Variants in RAPGEF1 observed in about 807,000 individuals in gnomAD.
RAPGEF1 encodes the protein Rap guanine nucleotide exchange factor 1, also known as CRK SH3-binding GNRP.
A neutral mutation model predicts 143.3 loss-of-function variants in RAPGEF1; 33 were observed. The ratio of observed to expected loss-of-function variants is 0.23; its 90% CI spans 0.17 to 0.31. The LOEUF (loss-of-function observed/expected upper bound fraction) is 0.31. RAPGEF1 is among the 10% of genes least tolerant of loss of function. RAPGEF1 has a pLI of 1.00. For synonymous variants in RAPGEF1, 629 were observed against 676.5 expected (o/e 0.93, Z 1.09); for missense variants, 1,199 against 1,645.4 (o/e 0.73, Z 4.69).
chr9:131,649,860 G>A (rs766174042), intron 3 of RAPGEF1, among the ~76,000 whole-genome samples: 36 of 152,130 alleles, frequency 2.4e-4, no homozygotes, highest in Admixed American at 5.2e-4. Context: ...CCTGGAACCC[G>A]TTGGACCCAA....
chr9:131,713,053 C>A (rs1835620860), intron 1 of RAPGEF1, among the ~76,000 whole-genome samples: 1 of 152,174 alleles, frequency 6.6e-6, no homozygotes, highest in South Asian at 2.1e-4. Context: ...CATCTCCAGT[C>A]CACATTTCAG....
At chr9:131,676,646 T>C (rs2076) in intron 1 of RAPGEF1, among the ~76,000 whole-genome samples, 131,719 of 152,268 alleles carry the variant, frequency 0.87, 57,174 homozygotes, top group African/African-American at 0.93. Flanking sequence ...GTGGTCACTA[T>C]CATAGCAGAC....
intron 1 of RAPGEF1, among the ~76,000 whole-genome samples, chr9:131,704,706 C>T (rs1246535482): frequency 6.6e-6 from 1 of 151,672 alleles, no homozygotes; most frequent in African/African-American, 2.4e-5. Context: ...AAAATGAACA[C>T]TGTAAGCAAC....
intron 1 of RAPGEF1, 70 bp downstream of exon 1, chr9:131,739,700 C>A: frequency 9.9e-7 from 1 of 1,006,018 alleles, no homozygotes; most frequent in Non-Finnish European, 1.2e-6. Context: ...GACCCGCGCT[C>A]GGCCCGGGGA....
intron 3 of RAPGEF1, among the ~76,000 whole-genome samples, chr9:131,647,680 C>G (rs539408715): frequency 6.6e-6 from 1 of 152,298 alleles, no homozygotes; most frequent in Non-Finnish European, 1.5e-5. Flanking sequence ...TGGGCCTCCA[C>G]GAAGCAAGAG....
Position 131,628,035 on chromosome 9 carries a change from C to A in RAPGEF1, c.1079G>T (p.Gly360Val). The A allele has an allele frequency of 3.2e-6, 5 of 1,565,538 alleles. No homozygotes were observed. Among genetic ancestry groups the A allele is most frequent in the Non-Finnish European group, 4.3e-6 (5 of 1,155,654 alleles). The change falls in exon 9 of 27, where the codon GGA becomes GTA. Residue 360 changes from glycine to valine, a missense_variant. Physicochemically the swap from Gly to Val is moderately radical, Grantham distance 109. Coordinates refer to ENST00000683357, the MANE Select transcript of RAPGEF1 (RefSeq NM_001377935.1). This position sits in a 1 kb window ranked among gnomAD's most constrained non-coding sequence, Gnocchi z 5.7. ...GCAGGGGGAGAGGCGGGGCGACTCT[C>A]CACCATATGAGTGGCTGCCTCCTGA... ...RLSGGSHSYG[G>V]ESPRLSPCSS... is the part of the protein sequence containing the mutation.
rs34813794 is a variant in RAPGEF1, at chr9:131,719,886, CTTT to C, written c.61+19881_61+19883del. Among the ~76,000 whole-genome samples, 47 of 135,716 alleles carry C rather than the reference CTTT, an allele frequency of 3.5e-4. No homozygotes were observed. In the East Asian group the frequency reaches 5.8e-3, roughly 17 times the overall value. The allele number at this position is 135,716 out of a possible 152,430, so 89.0% of individuals were successfully genotyped here. A position where few individuals can be genotyped will look rare whatever the true frequency, so the allele number is the denominator to read the frequency against. On this transcript the variant is annotated intron_variant, in intron 1 of 26. Transcript: ENST00000683357. Reference sequence around the variant, plus strand: ...CTATATTTTCTTCTTTTCTTTCTTTCTTTTTTTTTTTTTTTTGAGACAAGAGTC... The same window carrying C: ...CTATATTTTCTTCTTTTCTTTCTTTCTTTTTTTTTTTTTGAGACAAGAGTC...
intron 18 of RAPGEF1, among the ~76,000 whole-genome samples, chr9:131,591,152 G>A (rs774759891): frequency 2.0e-5 from 3 of 152,252 alleles, no homozygotes; most frequent in East Asian, 1.9e-4. Flanking sequence ...CCGGGGACCC[G>A]AGGCTCCGCC....
At position 131,645,173 on chromosome 9, in the gene RAPGEF1, G is replaced by A. The variant is rs181114506; in HGVS notation, c.316-1756C>T. On this transcript the variant is annotated intron_variant, in intron 3 of 26. Transcript: ENST00000683357. ...GCTCTCTGCTTCATGTCATCTGCCCGGGGCAGGGAGGAACCTGAGTGTGAA... is the reference window on the plus strand; with the variant it reads ...GCTCTCTGCTTCATGTCATCTGCCCAGGGCAGGGAGGAACCTGAGTGTGAA... Among the ~76,000 whole-genome samples, 17 of 152,268 alleles carry A rather than the reference G, an allele frequency of 1.1e-4. No homozygotes were observed. The East Asian group carries it at 3.1e-3, about 28-fold the overall frequency.
chr9:131,704,175 C>T (rs559330848), intron 1 of RAPGEF1, among the ~76,000 whole-genome samples: 13 of 151,616 alleles, frequency 8.6e-5, no homozygotes, highest in African/African-American at 3.2e-4. Context: ...CTAGAAGGCA[C>T]TGAGCCGGTG....
At chr9:131,591,268 TGAAGGCTCAGGGCACACAG>T (rs1430966262) in intron 18 of RAPGEF1, among the ~76,000 whole-genome samples, 1 of 152,130 alleles carries the variant, frequency 6.6e-6, no homozygotes, top group Non-Finnish European at 1.5e-5. Context: ...AGTGGAGCAG[TGAAGGCTCAGGGCACACAG>T]GAAGGAGCGG....
At chr9:131,692,697 T>C (rs180682734) in intron 1 of RAPGEF1, among the ~76,000 whole-genome samples, 5 of 152,362 alleles carry the variant, frequency 3.3e-5, no homozygotes, top group African/African-American at 9.6e-5. Context: ...TTTCCTTGCT[T>C]ATGCCTACCT....
At chr9:131,730,600 CAGA>C (rs1309651240) in intron 1 of RAPGEF1, among the ~76,000 whole-genome samples, 1 of 145,140 alleles carries the variant, frequency 6.9e-6, no homozygotes, top group Non-Finnish European at 1.5e-5. Flanking sequence ...GAGGCTGAGG[CAGA>C]AGAATTGCTT....
At chr9:131,651,044 T>C (rs1299881832) in intron 1 of RAPGEF1, 95 bp from the exon 2 acceptor site, 7 of 1,401,424 alleles carry the variant, frequency 5.0e-6, no homozygotes, top group Admixed American at 2.5e-5. Context: ...CCCAAACCCA[T>C]CTTTTTTCTT....
chr9:131,732,405 C>A (rs573898584), intron 1 of RAPGEF1, among the ~76,000 whole-genome samples: 34 of 152,186 alleles, frequency 2.2e-4, no homozygotes, highest in Non-Finnish European at 3.5e-4. Flanking sequence ...ACCAGGCAGT[C>A]ACTACAAGTG....
At chr9:131,598,932 C>T (rs560499229) in intron 15 of RAPGEF1, among the ~76,000 whole-genome samples, 3 of 150,100 alleles carry the variant, frequency 2.0e-5, no homozygotes, top group East Asian at 2.0e-4. Context: ...TCAAGTGATT[C>T]TCCTGCCTCA....
rs368767742 is a variant in RAPGEF1, at chr9:131,589,988, G to A, written c.2775-10C>T. On this transcript the variant is annotated splice_polypyrimidine_tract_variant and intron_variant, in intron 18 of 26. Transcript: ENST00000683357. ...AGAGAATTTCTCATATGTGGAGCACGGGTTAAAGAAATAGCCATGTGGTCG... is the reference window on the plus strand; with the variant it reads ...AGAGAATTTCTCATATGTGGAGCACAGGTTAAAGAAATAGCCATGTGGTCG... 29 of 1,611,692 alleles carry A rather than the reference G, an allele frequency of 1.8e-5. No individual in the cohort carries two copies. Among genetic ancestry groups the A allele is most frequent in the African/African-American group, 1.2e-4 (9 of 74,832 alleles).
chr9:131,606,391 C>T (rs1402846611), intron 12 of RAPGEF1, among the ~76,000 whole-genome samples: 2 of 152,152 alleles, frequency 1.3e-5, no homozygotes, highest in East Asian at 3.8e-4. Flanking sequence ...TGGCCACGTC[C>T]AAAGTCCTTG....
At chr9:131,710,162 C>T (rs1469549097) in intron 1 of RAPGEF1, among the ~76,000 whole-genome samples, 1 of 152,180 alleles carries the variant, frequency 6.6e-6, no homozygotes, top group East Asian at 1.9e-4. Context: ...CCTTATGCCA[C>T]GCCTTCTATT....
Sources: allele counts gnomAD v4.1 joint callset (sites outside exome capture counted in the v4.1 genomes callset), GRCh38; gene constraint gnomAD v4.1.1; non-coding constraint Gnocchi (gnomAD v3.1); transcripts MANE v1.5; gene names NCBI Gene and HGNC (gene_info 2026-07-23, HGNC 2026-07-21).